The following STX8 variants were observed in gnomAD, a reference collection of about 807,000 sequenced individuals.
The protein encoded by STX8 is syntaxin-8.
Under a neutral mutation model 37.5 loss-of-function variants are expected in STX8, and 23 were observed. That is an observed-to-expected ratio of 0.61 (90% CI 0.44 to 0.87). The LOEUF is 0.87. Ranked by LOEUF, STX8 falls within the 40% of genes least tolerant of loss-of-function variation. The pLI is 0.00. For missense variants in STX8, 313 were observed against 284.7 expected, an observed-to-expected ratio of 1.10 and a Z score of -0.71; for synonymous variants, 115 against 99.1, an observed-to-expected ratio of 1.16 and a Z score of -0.95.
At chr17:9,505,217 A>G (rs1904779881) in intron 4 of STX8, 55 bp from the exon 5 acceptor site, 2 of 1,564,234 alleles carry the variant, frequency 1.3e-6, no homozygotes, top group African/African-American at 2.7e-5. Context: ...CTCAAATGCA[A>G]ATTACTCCCA....
intron 7 of STX8, among the ~76,000 whole-genome samples, chr17:9,316,579 G>A (rs540974347): frequency 2.6e-5 from 4 of 152,358 alleles, no homozygotes; most frequent in East Asian, 1.9e-4. Context: ...TGCCCAGAGA[G>A]TGCATGGAAG....
chr17:9,445,408 T>C lies in STX8; in HGVS notation c.541+46421A>G, dbSNP rs940123765. On this transcript the variant is annotated intron_variant, in intron 6 of 7. Transcript: ENST00000306357. ...AAAAGGTACAGCTTGTTAACACCAC[T>C]CAGAGGTAGACAGTCCAGGGTCTCA... Among the ~76,000 whole-genome samples the C allele has an allele frequency of 4.0e-5, 6 of 150,534 alleles. No individual in the cohort carries two copies. The East Asian group carries it at 1.2e-3, about 30-fold the overall frequency.
chr17:9,269,200 AAAAG>A (rs1907359647), intron 7 of STX8, among the ~76,000 whole-genome samples: 1 of 152,122 alleles, frequency 6.6e-6, no homozygotes, highest in Non-Finnish European at 1.5e-5. Context: ...AAAAAAAAAA[AAAAG>A]AAGTATTTGA....
At chr17:9,396,321 T>C (rs1200419780) in intron 6 of STX8, among the ~76,000 whole-genome samples, 1 of 141,114 alleles carries the variant, frequency 7.1e-6, no homozygotes, top group Admixed American at 7.2e-5. Flanking sequence ...TGCCAGGAGT[T>C]TGGGAGAAAG....
intron 7 of STX8, among the ~76,000 whole-genome samples, chr17:9,304,761 G>A (rs1480404756): frequency 6.6e-6 from 1 of 151,800 alleles, no homozygotes; most frequent in Non-Finnish European, 1.5e-5. Flanking sequence ...CAATGCTTTT[G>A]GGAGTATAAA....
At chr17:9,404,325 T>C (rs1184667108) in intron 6 of STX8, among the ~76,000 whole-genome samples, 1 of 152,180 alleles carries the variant, frequency 6.6e-6, no homozygotes, top group African/African-American at 2.4e-5. Context: ...AAATACACTG[T>C]AATTTGCCTG....
Position 9,335,816 on chromosome 17 carries a change from C to A in STX8, c.643+42736G>T, listed in dbSNP as rs1245826419. Among the ~76,000 whole-genome samples, 4 of 90,186 alleles carry A rather than the reference C, an allele frequency of 4.4e-5. No homozygotes were observed. The East Asian group carries it at 1.5e-3, about 33-fold the overall frequency. The allele number at this position is 90,186 out of a possible 152,430, so 59.2% of individuals were successfully genotyped here. A position where few individuals can be genotyped will look rare whatever the true frequency, so the allele number is the denominator to read the frequency against. On this transcript the variant is annotated intron_variant, in intron 7 of 7. Transcript: ENST00000306357. ...TTCAAGGTGGGCTCTCTCTCTCTCA[C>A]ACACACACACACGTAGACACACACA...
Position 9,476,009 on chromosome 17 carries a change from T to C in STX8, c.541+15820A>G, listed in dbSNP as rs556758365. Among the ~76,000 whole-genome samples, 15 of 152,238 alleles carry C rather than the reference T, an allele frequency of 9.9e-5. No individual in the cohort carries two copies. In the South Asian group the frequency reaches 2.9e-3, roughly 29 times the overall value. ...GCCTGACCAACATGGTGAAACCCCA[T>C]CTCTACTAAAAATACAAAAATCAGC... On this transcript the variant is annotated intron_variant, in intron 6 of 7. Transcript: ENST00000306357.
At position 9,415,755 on chromosome 17, in the gene STX8, C is replaced by T. The variant is rs181661051; in HGVS notation, c.542-37102G>A. Reference sequence around the variant, plus strand: ...CTGCACTCCAGCCTGACTGACAGGGCAAGACTCCGTCTCAACAACAACAAC... The same window carrying T: ...CTGCACTCCAGCCTGACTGACAGGGTAAGACTCCGTCTCAACAACAACAAC... On this transcript the variant is annotated intron_variant, in intron 6 of 7. Transcript: ENST00000306357. Among the ~76,000 whole-genome samples the T allele has an allele frequency of 1.3e-3, 199 of 152,244 alleles. 2 individuals are homozygous for T. Among genetic ancestry groups the T allele is most frequent in the African/African-American group, 4.6e-3 (191 of 41,532 alleles).
chr17:9,275,756 T>C (rs1028065296), intron 7 of STX8, among the ~76,000 whole-genome samples: 5 of 151,734 alleles, frequency 3.3e-5, no homozygotes, highest in African/African-American at 9.7e-5. Flanking sequence ...TAATCCCAGC[T>C]ACTCGGGAGG....
At chr17:9,465,320 A>G (rs1376433269) in intron 6 of STX8, among the ~76,000 whole-genome samples, 1 of 152,280 alleles carries the variant, frequency 6.6e-6, no homozygotes, top group Middle Eastern at 3.4e-3. Flanking sequence ...CCAGCTGCCC[A>G]CTGGGAGTAG....
At chr17:9,317,339 A>T (rs758312154) in intron 7 of STX8, among the ~76,000 whole-genome samples, 1 of 152,202 alleles carries the variant, frequency 6.6e-6, no homozygotes, top group African/African-American at 2.4e-5. Flanking sequence ...CACCCTTGAG[A>T]TGTAGAGATG....
intron 6 of STX8, among the ~76,000 whole-genome samples, chr17:9,408,717 A>G (rs1331021154): frequency 6.6e-6 from 1 of 152,208 alleles, no homozygotes; most frequent in African/African-American, 2.4e-5. Flanking sequence ...CACAGCTACA[A>G]AAAGATGGAA....
At chr17:9,376,714 G>A (rs914814753) in intron 7 of STX8, among the ~76,000 whole-genome samples, 11 of 152,172 alleles carry the variant, frequency 7.2e-5, no homozygotes, top group African/African-American at 2.4e-4. Context: ...GCGAGACCAC[G>A]AACCCACCGG....
chr17:9,377,469 T>C (rs1226563927), intron 7 of STX8, among the ~76,000 whole-genome samples: 1 of 152,056 alleles, frequency 6.6e-6, no homozygotes, highest in Non-Finnish European at 1.5e-5. Context: ...CCTGGCTAAT[T>C]TTTAAAATTA....
chr17:9,265,123 GAAAAAA>G (rs61526336), intron 7 of STX8, among the ~76,000 whole-genome samples: 3 of 72,510 alleles, frequency 4.1e-5, no homozygotes, highest in African/African-American at 1.4e-4. Context: ...AGTCTGAAAA[GAAAAAA>G]AAAAAAAAAA....
At chr17:9,347,495 CACT>C (rs1910571963) in intron 7 of STX8, among the ~76,000 whole-genome samples, 2 of 152,130 alleles carry the variant, frequency 1.3e-5, no homozygotes, top group Non-Finnish European at 2.9e-5. Context: ...GTGCAACTAT[CACT>C]ACTACTTATT....
intron 7 of STX8, among the ~76,000 whole-genome samples, chr17:9,266,664 A>G (rs1370700688): frequency 6.6e-6 from 1 of 151,980 alleles, no homozygotes; most frequent in Non-Finnish European, 1.5e-5. Context: ...GTGGAGAGCC[A>G]CTCTGTCATC....
At chr17:9,305,763 G>A (rs1477060292) in intron 7 of STX8, 2 of 20,918 alleles carry the variant, frequency 9.6e-5, no homozygotes, top group African/African-American at 3.3e-4. Flanking sequence ...TTTTTTTTTT[G>A]AGATGGAGTC....
Sources: allele counts gnomAD v4.1 joint callset (sites outside exome capture counted in the v4.1 genomes callset), GRCh38; gene constraint gnomAD v4.1.1; transcripts MANE v1.5; gene names NCBI Gene and HGNC (gene_info 2026-07-23, HGNC 2026-07-21).